RALGAPA1: variants seen among roughly 807,000 people sequenced by gnomAD.
RALGAPA1 encodes ral GTPase-activating protein subunit alpha-1.
In RALGAPA1, 52 loss-of-function variants were observed where a neutral mutation model predicts 269.6. The ratio of observed to expected loss-of-function variants is 0.19; its 90% confidence interval spans 0.15 to 0.24. RALGAPA1 has a LOEUF of 0.24. Among genes scored for constraint, RALGAPA1 ranks in the 10% least tolerant of loss-of-function variants. The pLI, the probability that RALGAPA1 is intolerant of heterozygous loss-of-function variation, is 1.00. For synonymous variants in RALGAPA1, 817 were observed against 1,008.3 expected (o/e 0.81, Z 3.60); for missense variants, 1,917 against 3,013.9 (o/e 0.64, Z 8.52).
intron 16 of RALGAPA1, among the ~76,000 whole-genome samples, chr14:35,710,621 T>C (rs948748781): frequency 2.0e-5 from 3 of 152,202 alleles, no homozygotes; most frequent in Non-Finnish European, 2.9e-5. Context: ...CTCTAAAGTC[T>C]GCTTTGTCAT....
chr14:35,610,222 AT>A (rs1018555598), intron 35 of RALGAPA1, among the ~76,000 whole-genome samples: 1 of 151,954 alleles, frequency 6.6e-6, no homozygotes, highest in Middle Eastern at 3.2e-3. Context: ...TGCTATAAGC[AT>A]TTGTATGCCA....
intron 1 of RALGAPA1, among the ~76,000 whole-genome samples, chr14:35,796,447 G>C (rs147352116): frequency 3.9e-5 from 6 of 152,078 alleles, no homozygotes; most frequent in African/African-American, 1.4e-4. Context: ...AGTTCTAAAC[G>C]TAAGGCGGGG....
At chr14:35,776,908 T>A (rs1335492817) in intron 1 of RALGAPA1, among the ~76,000 whole-genome samples, 8 of 147,308 alleles carry the variant, frequency 5.4e-5, no homozygotes, top group African/African-American at 1.2e-4. Context: ...TATGAAGCTT[T>A]AAAAAAAAAA....
At chr14:35,609,089 C>T (rs1030086040) in intron 35 of RALGAPA1, among the ~76,000 whole-genome samples, 4 of 151,808 alleles carry the variant, frequency 2.6e-5, no homozygotes, top group Admixed American at 2.0e-4. Flanking sequence ...AGCCAGGCGT[C>T]GGTGGGGGGT....
intron 31 of RALGAPA1, among the ~76,000 whole-genome samples, chr14:35,637,309 A>C (rs961594750): frequency 2.0e-5 from 3 of 152,230 alleles, no homozygotes; most frequent in Non-Finnish European, 2.9e-5. Context: ...AAGCTCAATG[A>C]AATTCAAGAT....
chr14:35,637,266 C>T (rs1020961142), intron 31 of RALGAPA1, among the ~76,000 whole-genome samples: 2 of 152,018 alleles, frequency 1.3e-5, no homozygotes, highest in Non-Finnish European at 1.5e-5. Flanking sequence ...AGAGATGTCA[C>T]CTGACAGAGA....
chr14:35,694,101 A>T (rs1000115022), intron 17 of RALGAPA1, among the ~76,000 whole-genome samples: 14 of 152,076 alleles, frequency 9.2e-5, no homozygotes, highest in African/African-American at 3.4e-4. Context: ...TAAAAAAAAA[A>T]AGTAGCTGCT....
At position 35,645,730 on chromosome 14, in the gene RALGAPA1, CAA is replaced by C. The variant is rs59715478; in HGVS notation, c.5676+6073_5676+6074del. Among the ~76,000 whole-genome samples, 695 of 91,746 alleles carry C rather than the reference CAA, an allele frequency of 7.6e-3. 8 individuals are homozygous for C. Among genetic ancestry groups the C allele is most frequent in the African/African-American group, 0.02 (601 of 29,380 alleles). 60.2% of individuals were successfully genotyped at this position (91,746 alleles called of 152,430 possible). A position where few individuals can be genotyped will look rare whatever the true frequency, so the allele number is the denominator to read the frequency against. ...GGGCGACAGAGCGAGACTCCATCTC[CAA>C]AAAAAAAAAAAAAAAAGATATCCCA... On this transcript the variant is annotated intron_variant, in intron 31 of 41. Transcript: ENST00000680220.
intron 37 of RALGAPA1, among the ~76,000 whole-genome samples, chr14:35,594,516 A>C (rs1038426177): frequency 3.3e-5 from 5 of 152,152 alleles, no homozygotes; most frequent in African/African-American, 1.2e-4. Flanking sequence ...ACATTTATTC[A>C]AAAATGGTGA....
Position 35,770,984 on chromosome 14 carries a change from G to C in RALGAPA1, c.283C>G (p.Leu95Val). 1 of 1,391,808 alleles carries C rather than the reference G, an allele frequency of 7.2e-7. No individual in the cohort carries two copies. The highest frequency in any genetic ancestry group is 1.3e-5 in the South Asian group (1 of 75,194). 86.2% of individuals were successfully genotyped at this position (1,391,808 alleles called of 1,614,324 possible). The change falls in exon 4 of 42, where the codon CTT becomes GTT. Residue 95 changes from leucine to valine, a missense_variant. This residue lies in a region of RALGAPA1 where 462 missense variants were observed against 725.6 expected (regional missense o/e 0.64). Coordinates refer to ENST00000680220, the MANE Select transcript of RALGAPA1 (RefSeq NM_001346249.2). ...CATCGCTGATGAATTCTTTCTGGAAGAAGTTGTAAAATTTTCTAAAAATCA... is the reference window on the plus strand; with the variant it reads ...CATCGCTGATGAATTCTTTCTGGAACAAGTTGTAAAATTTTCTAAAAATCA... ...LFIFEKILQL[L>V]PERIHQRWQF...
rs781024972 is a variant in RALGAPA1, at chr14:35,762,722, T to G, written c.357A>C (p.Gly119=). Residue 119 remains glycine, a synonymous_variant, in exon 5 of 42, where the codon GGA becomes GGC. Transcript: ENST00000680220. ...GLILKKLLHT[G]NSLKIRREGV... is the part of the protein sequence containing the mutation. ...AACATAGTTGTACCTTTAAGGAGTT[T>G]CCTGTGTGAAGTAGCTTCTTTAAAA... 111 of 1,520,564 alleles carry G rather than the reference T, an allele frequency of 7.3e-5. No individual in the cohort carries two copies. The highest frequency in any genetic ancestry group is 9.5e-5 in the Non-Finnish European group (104 of 1,095,110). 94.2% of individuals were successfully genotyped at this position (1,520,564 alleles called of 1,614,324 possible).
At chr14:35,657,821 T>C (rs1306721956) in intron 28 of RALGAPA1, among the ~76,000 whole-genome samples, 2 of 152,062 alleles carry the variant, frequency 1.3e-5, no homozygotes, top group Non-Finnish European at 2.9e-5. Context: ...TTCTGTCATA[T>C]CTAGATGACA....
chr14:35,725,013 A>AT lies in RALGAPA1; in HGVS notation c.1866+10dup. The AT allele has an allele frequency of 6.3e-7, 1 of 1,582,702 alleles. No homozygotes were observed. The highest frequency in any genetic ancestry group is 1.8e-5 in the Admixed American group (1 of 54,878). On this transcript the variant is annotated intron_variant, in intron 14 of 41. Transcript: ENST00000680220. The stretch of plus-strand genomic sequence containing the variant: ...TATCCAGCTATTCATCTATTTATTT[A>AT]TTTTTATTGCCTGGAAAAGTGGTCC...
At chr14:35,774,723 G>A (rs757268055) in intron 3 of RALGAPA1, among the ~76,000 whole-genome samples, 3 of 152,006 alleles carry the variant, frequency 2.0e-5, no homozygotes, top group South Asian at 2.1e-4. Flanking sequence ...GTAAACCTTC[G>A]ACAAATTAAA....
At chr14:35,632,837 A>G (rs1387965027) in intron 33 of RALGAPA1, among the ~76,000 whole-genome samples, 1 of 152,206 alleles carries the variant, frequency 6.6e-6, no homozygotes, top group Non-Finnish European at 1.5e-5. Context: ...ATGATGAAAC[A>G]TGCCTTAGAC....
intron 16 of RALGAPA1, among the ~76,000 whole-genome samples, chr14:35,717,275 C>T (rs1009958475): frequency 9.4e-4 from 143 of 152,006 alleles, no homozygotes; most frequent in Non-Finnish European, 2.6e-4. Flanking sequence ...CTCAGCCTCC[C>T]GAGTAGCTGG....
intron 15 of RALGAPA1, among the ~76,000 whole-genome samples, chr14:35,722,054 A>T (rs992412827): frequency 6.6e-6 from 1 of 152,164 alleles, no homozygotes; most frequent in African/African-American, 2.4e-5. Flanking sequence ...TTTTAAAATT[A>T]CACCATTAGC....
At chr14:35,799,217 A>G (rs2076798787) in intron 1 of RALGAPA1, among the ~76,000 whole-genome samples, 1 of 152,186 alleles carries the variant, frequency 6.6e-6, no homozygotes, top group African/African-American at 2.4e-5. Flanking sequence ...CTTATACTAC[A>G]TGGGAAGTGG....
At chr14:35,742,341 T>A in intron 11 of RALGAPA1, 27 bp downstream of exon 11, 1 of 1,494,600 alleles carries the variant, frequency 6.7e-7, no homozygotes, top group East Asian at 2.4e-5. Context: ...AGACTAACAC[T>A]AAAATATATA....
Sources: allele counts gnomAD v4.1 joint callset (sites outside exome capture counted in the v4.1 genomes callset), GRCh38; gene constraint gnomAD v4.1.1; regional missense constraint gnomAD v4.1.1; transcripts MANE v1.5; gene names NCBI Gene and HGNC (gene_info 2026-07-23, HGNC 2026-07-21).